The following PBX1 variants were observed in gnomAD, a reference collection of about 807,000 sequenced individuals.
PBX1 encodes the protein PBX homeobox 1.
In PBX1, 6 loss-of-function variants were observed where a neutral mutation model predicts 53.4. The ratio of observed to expected loss-of-function variants is 0.11; its 90% CI spans 0.06 to 0.22. The LOEUF (loss-of-function observed/expected upper bound fraction) is 0.22. PBX1 is among the 10% of genes least tolerant of loss of function. The pLI, the probability that PBX1 is intolerant of heterozygous loss-of-function variation, is 1.00. For synonymous variants in PBX1, 204 were observed against 212.3 expected (o/e 0.96, Z 0.34); for missense variants, 251 against 551.4 (o/e 0.46, Z 5.46).
chr1:164,792,175 A>G (rs1258008257), intron 2 of PBX1, among the ~76,000 whole-genome samples: 3 of 152,122 alleles, frequency 2.0e-5, no homozygotes, highest in Non-Finnish European at 2.9e-5. Context: ...TCCCAAAGTG[A>G]AATTCTGCGC....
chr1:164,751,023 T>C (rs565911829), intron 2 of PBX1, among the ~76,000 whole-genome samples: 1 of 152,200 alleles, frequency 6.6e-6, no homozygotes, highest in African/African-American at 2.4e-5. Context: ...GATTTTAAGA[T>C]GGTATTTGCA....
At chr1:164,744,353 C>T (rs1250889296) in intron 2 of PBX1, among the ~76,000 whole-genome samples, 2 of 152,190 alleles carry the variant, frequency 1.3e-5, no homozygotes, top group African/African-American at 4.8e-5. Context: ...AAAAATTTCT[C>T]ATACTTACTA....
intron 2 of PBX1, chr1:164,682,397 G>C (rs1006734528): frequency 6.6e-6 from 1 of 152,132 alleles, no homozygotes; most frequent in African/African-American, 2.4e-5. Context: ...CGTCTGCTGA[G>C]TAAATGCTTA....
intron 6 of PBX1, 116 bp downstream of exon 6, chr1:164,812,265 G>A: frequency 2.1e-6 from 2 of 948,160 alleles, no homozygotes; most frequent in Non-Finnish European, 3.0e-6. Flanking sequence ...GTTAATTTCT[G>A]TATTTGATTG....
intron 2 of PBX1, among the ~76,000 whole-genome samples, chr1:164,788,720 A>G (rs1421907707): frequency 6.6e-6 from 1 of 151,562 alleles, no homozygotes; most frequent in East Asian, 1.9e-4. Flanking sequence ...TAATTTGGAA[A>G]TGACTGTTGT....
chr1:164,861,591 C>T (rs1672100450), intron 2 of PBX1, among the ~76,000 whole-genome samples: 1 of 152,050 alleles, frequency 6.6e-6, no homozygotes, highest in Non-Finnish European at 1.5e-5. Flanking sequence ...ATCTTAGGTT[C>T]CAGCAGAAGA....
intron 2 of PBX1, among the ~76,000 whole-genome samples, chr1:164,668,599 A>C (rs1338176667): frequency 6.6e-6 from 1 of 152,132 alleles, no homozygotes; most frequent in Non-Finnish European, 1.5e-5. Context: ...CCCCAAGATA[A>C]TATTTGAAGT....
At chr1:164,697,275 G>A (rs1488499419) in intron 2 of PBX1, among the ~76,000 whole-genome samples, 3 of 152,164 alleles carry the variant, frequency 2.0e-5, no homozygotes, top group Admixed American at 6.5e-5. Flanking sequence ...TAGAACCTAG[G>A]TTGAATGACT....
At position 164,846,647 on chromosome 1, in the gene PBX1, G is replaced by A; in HGVS notation, c.1264G>A (p.Gly422Ser). ...AGTGACCTCCCCTACAGAAGGCCCT[G>A]GCAGTGTTCACTCTGATACCTCCAA... ...SSVTSPTEGP[G>S]SVHSDTSN Residue 422 changes from glycine (G) to serine (S), a missense_variant, in exon 9 of 9, where the codon GGC becomes AGC. By Grantham distance (56) the Gly-to-Ser change is moderately conservative. This residue lies in a region of PBX1 where 92 missense variants were observed against 130.4 expected (regional missense o/e 0.71). Coordinates refer to ENST00000420696, the MANE Select transcript of PBX1 (RefSeq NM_002585.4). The A allele has an allele frequency of 1.2e-6, 2 of 1,614,058 alleles. No individual in the cohort carries two copies. Among genetic ancestry groups the A allele is most frequent in the Non-Finnish European group, 1.7e-6 (2 of 1,179,972 alleles).
At chr1:164,718,401 ACT>A (rs781194131) in intron 2 of PBX1, among the ~76,000 whole-genome samples, 24 of 152,142 alleles carry the variant, frequency 1.6e-4, no homozygotes, top group Non-Finnish European at 3.4e-4. Flanking sequence ...TGAGGACATA[ACT>A]CTGAGTGGTC....
chr1:164,786,720 T>TGTGTGTGCGCGCGCGCGC (rs1357886882), intron 2 of PBX1, among the ~76,000 whole-genome samples: 14 of 116,256 alleles, frequency 1.2e-4, no homozygotes, highest in African/African-American at 4.2e-4. Context: ...TGTGTGTGTG[T>TGTGTGTGCGCGCGCGCGC]GCGCGCGCAC....
chr1:164,860,526 C>T (rs999014908), intron 2 of PBX1, among the ~76,000 whole-genome samples: 3 of 152,090 alleles, frequency 2.0e-5, no homozygotes, highest in South Asian at 2.1e-4. Flanking sequence ...TTTCTTTTTG[C>T]CTTTTTACCT....
At chr1:164,764,369 A>G (rs1250721968) in intron 2 of PBX1, among the ~76,000 whole-genome samples, 2 of 152,348 alleles carry the variant, frequency 1.3e-5, no homozygotes, top group South Asian at 2.1e-4. Context: ...GTGTATCTGT[A>G]TAATATTTCA....
chr1:164,606,097 G>A (rs1571051701), intron 2 of PBX1, among the ~76,000 whole-genome samples: 1 of 152,134 alleles, frequency 6.6e-6, no homozygotes, highest in East Asian at 1.9e-4. Context: ...ATTCTTTTCA[G>A]CTTCAAGGGA....
intron 8 of PBX1, among the ~76,000 whole-genome samples, chr1:164,822,054 T>A (rs1670183294): frequency 1.3e-5 from 2 of 152,090 alleles, no homozygotes; most frequent in Admixed American, 1.3e-4. Context: ...AATCTGTCTA[T>A]GGACGATTAA....
At position 164,874,497 on chromosome 1, in the gene PBX1, C is replaced by A. The variant is rs570167684; in HGVS notation, n.258-24691C>A. Among the ~76,000 whole-genome samples the A allele has an allele frequency of 1.1e-3, 165 of 152,064 alleles. 1 individual carries two copies. The highest frequency in any genetic ancestry group is 3.8e-3 in the African/African-American group (159 of 41,496). On this transcript the variant is annotated intron_variant and non_coding_transcript_variant, in intron 2 of 2. Coordinates refer to the PBX1 transcript ENST00000558796. ...TTTTTGTTCGTTTGTTTCTTTCTTT[C>A]TTTTTGTTTGTTTTTGAGACAGAAT...
At chr1:164,674,080 C>T (rs79107507) in intron 2 of PBX1, among the ~76,000 whole-genome samples, 2,451 of 152,338 alleles carry the variant, frequency 0.016, 48 homozygotes, top group South Asian at 0.056. Flanking sequence ...CCCCGTCCAG[C>T]TGGCCGTTCA....
intron 2 of PBX1, among the ~76,000 whole-genome samples, chr1:164,749,269 C>G (rs960930610): frequency 4.6e-5 from 7 of 152,090 alleles, no homozygotes; most frequent in African/African-American, 1.7e-4. Flanking sequence ...CAATATATAT[C>G]TTGCTTATTC....
At chr1:164,884,585 A>G in intron 2 of PBX1, 1 of 516,264 alleles carries the variant, frequency 1.9e-6, no homozygotes, top group Non-Finnish European at 3.8e-6. Flanking sequence ...TCTGGTGGTG[A>G]CAGCAAGTCC....
Sources: gnomAD v4.1 joint callset for allele counts (sites outside exome capture counted in the v4.1 genomes callset) on GRCh38, gnomAD v4.1.1 for gene constraint, gnomAD v4.1.1 regional missense constraint, MANE v1.5 for transcripts, NCBI Gene and HGNC (gene_info 2026-07-23, HGNC 2026-07-21) for gene names.